The following CFAP54 variants were observed in gnomAD, a reference collection of about 807,000 sequenced individuals.
The protein encoded by CFAP54 is cilia and flagella associated protein 54.
CFAP54 carries 290 observed loss-of-function variants against 370.4 expected under a neutral mutation model. The observed-to-expected ratio is 0.78, with a 90% CI of 0.71 to 0.86. CFAP54 has a LOEUF of 0.86. CFAP54 is among the 40% of genes least tolerant of loss of function. The pLI, the probability that CFAP54 is intolerant of heterozygous loss-of-function variation, is 0.00. For synonymous variants in CFAP54, 1,206 were observed against 1,236.5 expected (o/e 0.98, Z 0.52); for missense variants, 3,399 against 3,528.7 (o/e 0.96, Z 0.93).
chr12:96,747,032 C>CA (rs1417373295), intron 55 of CFAP54, among the ~76,000 whole-genome samples: 2 of 152,154 alleles, frequency 1.3e-5, no homozygotes, highest in Non-Finnish European at 2.9e-5. Flanking sequence ...TTGTTAAGGA[C>CA]AATTTACTTG....
intron 50 of CFAP54, among the ~76,000 whole-genome samples, chr12:96,722,915 T>G (rs1314890900): frequency 6.6e-6 from 1 of 151,988 alleles, no homozygotes; most frequent in East Asian, 1.9e-4. Context: ...GTTGTAGGGG[T>G]GCAGCTTATT....
chr12:96,732,419 A>G (rs1592731656), intron 50 of CFAP54, among the ~76,000 whole-genome samples: 1 of 152,164 alleles, frequency 6.6e-6, no homozygotes. Context: ...AGCATGAGCC[A>G]CCATGCCTGG....
At chr12:96,871,164 G>A (rs1960153220) in intron 67 of CFAP54, among the ~76,000 whole-genome samples, 1 of 152,200 alleles carries the variant, frequency 6.6e-6, no homozygotes, top group East Asian at 1.9e-4. Flanking sequence ...TGGACATGAT[G>A]AGACTCCAGA....
At chr12:96,510,351 C>T (rs1955152586) in intron 4 of CFAP54, among the ~76,000 whole-genome samples, 2 of 152,024 alleles carry the variant, frequency 1.3e-5, no homozygotes, top group South Asian at 4.1e-4. Context: ...CATTTACTCT[C>T]TGAGTCTGGC....
At chr12:96,606,067 A>G (rs1387957894) in intron 26 of CFAP54, among the ~76,000 whole-genome samples, 1 of 152,152 alleles carries the variant, frequency 6.6e-6, no homozygotes, top group Admixed American at 6.5e-5. Flanking sequence ...GACAAAAAAC[A>G]AACATACGCA....
chr12:96,824,589 TG>T (rs1271994488), intron 65 of CFAP54, among the ~76,000 whole-genome samples: 1 of 152,164 alleles, frequency 6.6e-6, no homozygotes, highest in Non-Finnish European at 1.5e-5. Context: ...CCCCTCTATC[TG>T]GAAAAGTGGA....
At chr12:96,504,152 G>A in intron 3 of CFAP54, 123 bp downstream of exon 3, 1 of 892,476 alleles carries the variant, frequency 1.1e-6, no homozygotes, top group Non-Finnish European at 1.6e-6. Flanking sequence ...GCTATAAGTT[G>A]CTTAATAAAT....
intron 50 of CFAP54, among the ~76,000 whole-genome samples, chr12:96,726,461 G>C (rs564151949): frequency 2.0e-5 from 3 of 152,162 alleles, no homozygotes; most frequent in African/African-American, 7.2e-5. Flanking sequence ...GTTTATTTGC[G>C]TAGAGGTGTT....
At chr12:96,502,396 T>TAAAAAA (rs535053383) in intron 2 of CFAP54, among the ~76,000 whole-genome samples, 2 of 68,594 alleles carry the variant, frequency 2.9e-5, no homozygotes, top group Non-Finnish European at 5.2e-5. Flanking sequence ...ACACTGTCCC[T>TAAAAAA]AAAAAAAAAA....
intron 44 of CFAP54, among the ~76,000 whole-genome samples, chr12:96,693,319 T>C (rs1181772200): frequency 1.3e-5 from 2 of 152,208 alleles, no homozygotes; most frequent in Admixed American, 1.3e-4. Context: ...AGAGATTGAG[T>C]TCCTTTGCTT....
At chr12:96,611,154 C>T (rs560758339) in intron 26 of CFAP54, among the ~76,000 whole-genome samples, 1 of 152,342 alleles carries the variant, frequency 6.6e-6, no homozygotes, top group Non-Finnish European at 1.5e-5. Flanking sequence ...GGCAGACTGA[C>T]ACCTCACATG....
chr12:96,702,511 G>C (rs1248468651), intron 46 of CFAP54, among the ~76,000 whole-genome samples: 1 of 152,002 alleles, frequency 6.6e-6, no homozygotes, highest in Non-Finnish European at 1.5e-5. Context: ...CAGTTGGGTA[G>C]GATGAGAAAC....
intron 33 of CFAP54, chr12:96,645,407 T>C (rs1956776966): frequency 7.4e-6 from 2 of 271,808 alleles, no homozygotes; most frequent in Non-Finnish European, 1.5e-5. Context: ...GTGAAGGACC[T>C]CTTCAAGGAG....
intron 50 of CFAP54, among the ~76,000 whole-genome samples, chr12:96,733,067 C>A (rs1012481135): frequency 6.6e-6 from 1 of 152,014 alleles, no homozygotes; most frequent in East Asian, 1.9e-4. Context: ...CATAATAGAA[C>A]TTTAATTTGA....
At chr12:96,584,318 G>C (rs1441770974) in intron 22 of CFAP54, among the ~76,000 whole-genome samples, 2 of 152,022 alleles carry the variant, frequency 1.3e-5, no homozygotes, top group Non-Finnish European at 2.9e-5. Flanking sequence ...ACAAAAATTA[G>C]CCAGATGTGG....
intron 63 of CFAP54, among the ~76,000 whole-genome samples, chr12:96,802,220 C>T (rs1000150542): frequency 2.0e-5 from 3 of 152,082 alleles, no homozygotes; most frequent in Non-Finnish European, 2.9e-5. Context: ...GCGGTGAGAT[C>T]GAGACTCAAG....
At chr12:96,504,108 T>C (rs2136350758) in intron 3 of CFAP54, 79 bp downstream of exon 3, 4 of 1,330,484 alleles carry the variant, frequency 3.0e-6, no homozygotes, top group East Asian at 5.3e-5. Flanking sequence ...AGCTTCTAAA[T>C]GTCTTGTTGG....
intron 32 of CFAP54, among the ~76,000 whole-genome samples, chr12:96,635,744 A>G (rs1254928138): frequency 6.6e-6 from 1 of 152,208 alleles, no homozygotes; most frequent in Non-Finnish European, 1.5e-5. Context: ...AATTTGCTAC[A>G]ATAGCTCACA....
At chr12:96,521,481 A>T (rs1018662205) in intron 6 of CFAP54, among the ~76,000 whole-genome samples, 1 of 150,434 alleles carries the variant, frequency 6.6e-6, no homozygotes, top group Admixed American at 6.6e-5. Flanking sequence ...GAAGGTTAGG[A>T]TTTGAGAAGA....
Sources: allele counts gnomAD v4.1 joint callset (sites outside exome capture counted in the v4.1 genomes callset), GRCh38; gene constraint gnomAD v4.1.1; transcripts MANE v1.5; gene names NCBI Gene and HGNC (gene_info 2026-07-23, HGNC 2026-07-21).